The following SLC12A9 variants were observed in gnomAD, a reference collection of about 807,000 sequenced individuals.
The protein encoded by SLC12A9 is CCC-interacting protein 1.
A neutral mutation model predicts 66.0 loss-of-function variants in SLC12A9; 55 were observed. That is an observed-to-expected ratio of 0.83 (90% CI 0.67 to 1.04). The LOEUF (loss-of-function observed/expected upper bound fraction) is 1.04, where lower values mean the gene tolerates loss of function less well. SLC12A9 is among the 50% of genes least tolerant of loss of function. The pLI, the probability that SLC12A9 is intolerant of heterozygous loss-of-function variation, is 0.00. For synonymous variants in SLC12A9, 577 were observed against 569.0 expected, an observed-to-expected ratio of 1.01 and a Z score of -0.20; for missense variants, 1,061 against 1,241.9, an observed-to-expected ratio of 0.85 and a Z score of 2.19.
intron 1 of SLC12A9, among the ~76,000 whole-genome samples, chr7:100,845,930 T>G (rs1813901607): frequency 6.6e-6 from 1 of 152,198 alleles, no homozygotes; most frequent in South Asian, 2.1e-4. Context: ...GCCTTGACTA[T>G]TCTAGGCCGG....
At chr7:100,843,404 T>TAA (rs1303341277) in intron 1 of SLC12A9, among the ~76,000 whole-genome samples, 1 of 152,214 alleles carries the variant, frequency 6.6e-6, no homozygotes, top group Non-Finnish European at 1.5e-5. Flanking sequence ...CTACATCTAT[T>TAA]ACAACCAACA....
chr7:100,844,244 C>A (rs1346900878), intron 1 of SLC12A9, among the ~76,000 whole-genome samples: 2 of 152,090 alleles, frequency 1.3e-5, no homozygotes, highest in Non-Finnish European at 2.9e-5. Flanking sequence ...TCTAAAAAAG[C>A]CTTGTTTGTA....
intron 13 of SLC12A9, chr7:100,865,352 C>T (rs1174824773): frequency 6.5e-7 from 1 of 1,535,848 alleles, no homozygotes; most frequent in East Asian, 2.4e-5. Context: ...GTCTGGTTTG[C>T]ACAACAGAGT....
At chr7:100,854,053 C>A in intron 1 of SLC12A9, 103 bp from the exon 2 acceptor site, 1 of 704,806 alleles carries the variant, frequency 1.4e-6, no homozygotes, top group Non-Finnish European at 2.2e-6. Context: ...TAGTAGAGAG[C>A]AGCTCTGTCT....
chr7:100,858,766 G>C (rs56792920), intron 5 of SLC12A9, 69 bp from the exon 6 acceptor site: 4 of 1,455,060 alleles, frequency 2.7e-6, no homozygotes, highest in Non-Finnish European at 3.8e-6. Flanking sequence ...GTGTGGAGAG[G>C]GTGGCTAAGA....
chr7:100,848,427 G>A (rs1424492264), upstream of SLC12A9, among the ~76,000 whole-genome samples: 2 of 151,974 alleles, frequency 1.3e-5, no homozygotes, highest in African/African-American at 4.8e-5. Context: ...GAGCCTGGGA[G>A]ATAGAGGTTG....
At position 100,866,975 on chromosome 7, in the gene SLC12A9, A is replaced by C; in HGVS notation, c.*370A>C. 4.3e-6 allele frequency: 1 copy of C among 235,100 alleles called. No individual in the cohort carries two copies. The highest frequency in any genetic ancestry group is 8.2e-6 in the Non-Finnish European group (1 of 122,080). 14.6% of individuals were successfully genotyped at this position (235,100 alleles called of 1,614,324 possible). A position where few individuals can be genotyped will look rare whatever the true frequency, so the allele number is the denominator to read the frequency against. On this transcript the variant is annotated 3_prime_UTR_variant, in exon 14 of 14. Coordinates refer to ENST00000354161, the MANE Select transcript of SLC12A9 (RefSeq NM_020246.4). The surrounding 1 kb of genome is among the most constrained non-coding windows in gnomAD (Gnocchi z 7.3). ...TGTTTTCGTTCTGTTTTATTTTTCTAACTCTGCTGACCATGAATAAAAGAC... is the reference window on the plus strand; with the variant it reads ...TGTTTTCGTTCTGTTTTATTTTTCTCACTCTGCTGACCATGAATAAAAGAC...
At chr7:100,865,017 G>C (rs1227553911) in intron 13 of SLC12A9, among the ~76,000 whole-genome samples, 1 of 152,022 alleles carries the variant, frequency 6.6e-6, no homozygotes, top group Non-Finnish European at 1.5e-5. Flanking sequence ...GAGTGCAGTG[G>C]CGTGATCTCG....
At chr7:100,850,259 CTTT>C (rs3048154), upstream of SLC12A9, among the ~76,000 whole-genome samples, 2 of 80,654 alleles carry the variant, frequency 2.5e-5, no homozygotes, top group Admixed American at 1.8e-4. Flanking sequence ...TTCTTTCTTT[CTTT>C]TTTTTTTTTT....
chr7:100,853,672 G>A (rs1240050142), intron 1 of SLC12A9, among the ~76,000 whole-genome samples: 1 of 148,536 alleles, frequency 6.7e-6, no homozygotes, highest in Non-Finnish European at 1.5e-5. Flanking sequence ...AGCGATTCTC[G>A]TGTCTCAGCC....
chr7:100,841,697 T>G (rs1226230596), intron 1 of SLC12A9, among the ~76,000 whole-genome samples: 3 of 152,174 alleles, frequency 2.0e-5, no homozygotes, highest in African/African-American at 7.2e-5. Flanking sequence ...AAATTAGGTT[T>G]AACATTCATA....
intron 1 of SLC12A9, among the ~76,000 whole-genome samples, chr7:100,829,014 G>A (rs1813489329): frequency 6.7e-6 from 1 of 149,976 alleles, no homozygotes; most frequent in Non-Finnish European, 1.5e-5. Flanking sequence ...TTGAGACAGA[G>A]TCTCCCTCTA....
At chr7:100,852,161 A>AT (rs560089110), upstream of SLC12A9, among the ~76,000 whole-genome samples, 240 of 152,340 alleles carry the variant, frequency 1.6e-3, no homozygotes, top group African/African-American at 5.6e-3. Context: ...CGGGCATCAG[A>AT]CGGTGCAAAG....
At chr7:100,856,538 A>T in intron 4 of SLC12A9, 3 of 210,470 alleles carry the variant, frequency 1.4e-5, no homozygotes, top group Non-Finnish European at 1.8e-5. Context: ...TTCTTGAGAG[A>T]AGGTCTCACT....
At position 100,861,636 on chromosome 7, in the gene SLC12A9, C is replaced by A; in HGVS notation, c.1536+52C>A. On this transcript the variant is annotated intron_variant, in intron 11 of 13. Transcript: ENST00000354161. This position sits in a 1 kb window ranked among gnomAD's most constrained non-coding sequence, Gnocchi z 5.3. ...GAAATGGGAGGTGGTCAAAGAACCC[C>A]CTCTCTCTTTGGCTGGAGTTGGTGC... The A allele has an allele frequency of 1.2e-6, 2 of 1,606,792 alleles. No homozygotes were observed. The highest frequency in any genetic ancestry group is 8.5e-7 in the Non-Finnish European group (1 of 1,175,614).
At chr7:100,860,341 C>T in intron 9 of SLC12A9, 109 bp downstream of exon 9, 1 of 1,128,464 alleles carries the variant, frequency 8.9e-7, no homozygotes, top group South Asian at 1.5e-5. Context: ...TGCGTATGCA[C>T]TTGGGGTTGC....
chr7:100,861,249 GC>G lies in SLC12A9; in HGVS notation c.1335del (p.Asn446ThrfsTer24), dbSNP rs760574933. 6.2e-7 allele frequency: 1 copy of G among 1,614,208 alleles called. No individual in the cohort carries two copies. Among genetic ancestry groups the G allele is most frequent in the East Asian group, 2.2e-5 (1 of 44,880 alleles). On this transcript the variant is annotated frameshift_variant, in exon 10 of 14. Coordinates refer to ENST00000354161, the MANE Select transcript of SLC12A9 (RefSeq NM_020246.4). LOFTEE classifies it high-confidence loss of function. The surrounding 1 kb of genome is among the most constrained non-coding windows in gnomAD (Gnocchi z 5.3). Reference sequence around the variant, plus strand: ...CTGCCTGAGCCTGGAGTGGGCCTCGGCCCCCAACTTCCGGTGAGAGACTCAG... The same window carrying G: ...CTGCCTGAGCCTGGAGTGGGCCTCGGCCCCAACTTCCGGTGAGAGACTCAG... ...LSCLSLEWAS[A>X]PNFRPTFSLF...
Position 100,861,067 on chromosome 7 carries a change from T to C in SLC12A9, c.1219-71T>C, listed in dbSNP as rs768113044. On this transcript the variant is annotated intron_variant, in intron 9 of 13. Coordinates refer to ENST00000354161, the MANE Select transcript of SLC12A9 (RefSeq NM_020246.4). The surrounding 1 kb of genome is among the most constrained non-coding windows in gnomAD (Gnocchi z 5.3). ...CACTTTGGGGTACACTGGCATTCTTTGGTGTTCACTGGCATTTTGGGGGTG... is the reference window on the plus strand; with the variant it reads ...CACTTTGGGGTACACTGGCATTCTTCGGTGTTCACTGGCATTTTGGGGGTG... 1 of 1,611,524 alleles carries C rather than the reference T, an allele frequency of 6.2e-7. No homozygotes were observed.
intron 1 of SLC12A9, among the ~76,000 whole-genome samples, chr7:100,840,559 A>G (rs951300745): frequency 2.6e-4 from 40 of 152,212 alleles, no homozygotes; most frequent in South Asian, 4.1e-4. Flanking sequence ...GCAGAGGCAA[A>G]GAAAGACCAG....
Sources: allele counts gnomAD v4.1 joint callset (sites outside exome capture counted in the v4.1 genomes callset), GRCh38; gene constraint gnomAD v4.1.1; non-coding constraint Gnocchi (gnomAD v3.1); transcripts MANE v1.5; gene names NCBI Gene and HGNC (gene_info 2026-07-23, HGNC 2026-07-21).